Variants in PCDH9 observed in about 807,000 individuals in gnomAD.
PCDH9 encodes protocadherin-9.
In PCDH9, 24 loss-of-function variants were observed where a neutral mutation model predicts 70.6. The observed-to-expected ratio is 0.34, with a 90% CI of 0.25 to 0.48. The LOEUF (loss-of-function observed/expected upper bound fraction) is 0.48. PCDH9 is among the 20% of genes least tolerant of loss of function. PCDH9 has a pLI of 0.99. For missense variants in PCDH9, 1,281 were observed against 1,503.6 expected (o/e 0.85, Z 2.45); for synonymous variants, 562 against 558.5 (o/e 1.01, Z -0.09).
At chr13:67,154,167 C>G (rs553679980) in intron 2 of PCDH9, among the ~76,000 whole-genome samples, 11 of 152,200 alleles carry the variant, frequency 7.2e-5, no homozygotes, top group Admixed American at 4.6e-4. Context: ...AGAAAAGATT[C>G]TATAGTCAGG....
At chr13:66,872,020 GA>G (rs2081700719) in intron 3 of PCDH9, among the ~76,000 whole-genome samples, 2 of 126,236 alleles carry the variant, frequency 1.6e-5, no homozygotes, top group Admixed American at 7.9e-5. Context: ...ACTGCATTTT[GA>G]TTATTTTAAC....
intron 2 of PCDH9, among the ~76,000 whole-genome samples, chr13:67,168,890 A>ACAGCCATC (rs1420259275): frequency 6.6e-6 from 1 of 152,206 alleles, no homozygotes; most frequent in Non-Finnish European, 1.5e-5. Context: ...TCTGAATCTT[A>ACAGCCATC]CAGCCATCTT....
rs767897668 is a variant in PCDH9, at chr13:66,877,384, G to GTT, written c.3138+26118_3138+26119dup. On this transcript the variant is annotated intron_variant, in intron 3 of 4. Transcript: ENST00000377865. ...ACTTTCTCTCCTAGAAGGTTTAGTG[G>GTT]TTTTTTTTTTTTGTTATTATTTTTT... Among the ~76,000 whole-genome samples the GTT allele has an allele frequency of 4.3e-3, 618 of 143,942 alleles. 7 individuals carry two copies. Among genetic ancestry groups the GTT allele is most frequent in the African/African-American group, 0.015 (592 of 39,806 alleles). 94.4% of individuals were successfully genotyped at this position (143,942 alleles called of 152,430 possible).
chr13:67,019,073 A>T (rs2084621785), intron 2 of PCDH9, among the ~76,000 whole-genome samples: 1 of 151,604 alleles, frequency 6.6e-6, no homozygotes. Flanking sequence ...TTCTTCTTCC[A>T]CTGCTTGAAA....
intron 4 of PCDH9, among the ~76,000 whole-genome samples, chr13:66,620,929 A>G (rs906285333): frequency 1.3e-5 from 2 of 152,202 alleles, no homozygotes; most frequent in African/African-American, 4.8e-5. Flanking sequence ...CGTACTACCT[A>G]GTACATAATT....
chr13:67,047,943 G>GA (rs2085253530), intron 2 of PCDH9, among the ~76,000 whole-genome samples: 1 of 152,086 alleles, frequency 6.6e-6, no homozygotes, highest in Non-Finnish European at 1.5e-5. Context: ...GGATTTCCTT[G>GA]AAAAATCAAT....
chr13:66,708,403 G>GTTTTTTT (rs36087870), intron 3 of PCDH9, among the ~76,000 whole-genome samples: 6 of 136,978 alleles, frequency 4.4e-5, no homozygotes, highest in East Asian at 2.1e-4. Flanking sequence ...TTGAGATTTA[G>GTTTTTTT]TTTTTTTTTT....
chr13:66,938,774 C>T (rs143302826), intron 2 of PCDH9, among the ~76,000 whole-genome samples: 1,574 of 152,210 alleles, frequency 0.01, 11 homozygotes, highest in Non-Finnish European at 0.013. Flanking sequence ...AATATAATCA[C>T]GCTTTGCTTT....
At chr13:66,672,446 C>T (rs2139040956) in intron 3 of PCDH9, among the ~76,000 whole-genome samples, 1 of 152,236 alleles carries the variant, frequency 6.6e-6, no homozygotes, top group Middle Eastern at 3.4e-3. Context: ...GGGGAAGAGC[C>T]CTCATGCAGA....
At chr13:67,122,751 C>T (rs1215066537) in intron 2 of PCDH9, among the ~76,000 whole-genome samples, 5 of 145,330 alleles carry the variant, frequency 3.4e-5, no homozygotes, top group East Asian at 2.0e-4. Context: ...TCCAGCCTGG[C>T]GACAGAGCAA....
At chr13:66,701,104 A>C (rs1425519814) in intron 3 of PCDH9, among the ~76,000 whole-genome samples, 1 of 151,340 alleles carries the variant, frequency 6.6e-6, no homozygotes, top group Non-Finnish European at 1.5e-5. Flanking sequence ...TGAGAAATAA[A>C]AATTTGAGAT....
chr13:66,439,641 T>C (rs1241507318), intron 4 of PCDH9, among the ~76,000 whole-genome samples: 1 of 152,190 alleles, frequency 6.6e-6, no homozygotes, highest in Admixed American at 6.5e-5. Flanking sequence ...CAGTTTGTTT[T>C]GTTAGTGTTT....
intron 2 of PCDH9, among the ~76,000 whole-genome samples, chr13:67,118,641 C>A (rs752088955): frequency 5.9e-5 from 9 of 152,104 alleles, no homozygotes; most frequent in Non-Finnish European, 1.0e-4. Flanking sequence ...CATACACATA[C>A]ACCTTTAAAT....
At chr13:66,561,017 C>A (rs1368712159) in intron 4 of PCDH9, among the ~76,000 whole-genome samples, 1 of 152,242 alleles carries the variant, frequency 6.6e-6, no homozygotes, top group Non-Finnish European at 1.5e-5. Flanking sequence ...CCTTTCTGGG[C>A]TGGCCAAGGC....
chr13:67,109,675 T>C (rs932056266), intron 2 of PCDH9, among the ~76,000 whole-genome samples: 4 of 152,212 alleles, frequency 2.6e-5, no homozygotes, highest in South Asian at 2.1e-4. Context: ...GTATCTCCAG[T>C]AAGACTAAAT....
chr13:67,172,165 C>G (rs1447079449), intron 2 of PCDH9, among the ~76,000 whole-genome samples: 1 of 152,116 alleles, frequency 6.6e-6, no homozygotes, highest in Admixed American at 6.6e-5. Context: ...TTCAGGCACC[C>G]TTACTGTCCT....
chr13:66,682,024 C>T (rs1052999895), intron 3 of PCDH9, among the ~76,000 whole-genome samples: 10 of 148,142 alleles, frequency 6.8e-5, no homozygotes, highest in Non-Finnish European at 1.0e-4. Context: ...CATGTTGCTG[C>T]TGTCTCTGAC....
intron 4 of PCDH9, among the ~76,000 whole-genome samples, chr13:66,426,238 A>G (rs926446611): frequency 4.6e-5 from 7 of 151,552 alleles, no homozygotes; most frequent in Non-Finnish European, 8.9e-5. Context: ...AAAGAACCCT[A>G]TAACAAGCAG....
At position 67,227,261 on chromosome 13, in the gene PCDH9, C is replaced by T; in HGVS notation, c.1180G>A (p.Asp394Asn). The T allele has an allele frequency of 6.2e-7, 1 of 1,613,480 alleles. No homozygotes were observed. The highest frequency in any genetic ancestry group is 1.1e-5 in the South Asian group (1 of 91,038). Residue 394 changes from aspartate to asparagine, a missense_variant, in exon 2 of 5, where the codon GAT (aspartate) becomes AAT (asparagine). This residue lies in a region of PCDH9 where 798 missense variants were observed against 1,003.1 expected (regional missense o/e 0.80). Coordinates refer to ENST00000377865, the MANE Select transcript of PCDH9 (RefSeq NM_203487.3). The surrounding 1 kb of genome is among the most constrained non-coding windows in gnomAD (Gnocchi z 4.6). ...AAACAGATCACTTTGCCATTCACAT[C>T]TGTGTCCTTATCTGAAACTGTAATT... Reference protein sequence around the residue: ...ALITVSDKDTDVNGKVICFIE... With the variant: ...ALITVSDKDTNVNGKVICFIE...
Sources: gnomAD v4.1 joint callset for allele counts (sites outside exome capture counted in the v4.1 genomes callset) on GRCh38, gnomAD v4.1.1 for gene constraint, gnomAD v4.1.1 regional missense constraint, Gnocchi (gnomAD v3.1) non-coding constraint, MANE v1.5 for transcripts, NCBI Gene and HGNC (gene_info 2026-07-23, HGNC 2026-07-21) for gene names.